Variants in CSMD1 observed in about 807,000 individuals in gnomAD.
CSMD1 encodes the protein CUB and Sushi multiple domains 1.
A neutral mutation model predicts 417.5 loss-of-function variants in CSMD1; 213 were observed. The observed-to-expected ratio is 0.51, with a 90% CI of 0.46 to 0.57. CSMD1 has a LOEUF of 0.57. CSMD1 is among the 20% of genes least tolerant of loss of function. CSMD1 has a pLI of 0.00. For missense variants in CSMD1, 6,923 were observed against 4,529.7 expected (o/e 1.53, Z -15.17); for synonymous variants, 2,862 against 1,736.8 (o/e 1.65, Z -16.11).
At chr8:3,558,340 C>T (rs1405698518) in intron 10 of CSMD1, among the ~76,000 whole-genome samples, 1 of 126,548 alleles carries the variant, frequency 7.9e-6, no homozygotes, top group Non-Finnish European at 1.8e-5. Context: ...CTCAGTAGTA[C>T]CCCGTGTCCA....
chr8:3,487,755 C>T (rs1190950825), intron 11 of CSMD1, among the ~76,000 whole-genome samples: 3 of 152,066 alleles, frequency 2.0e-5, no homozygotes, highest in African/African-American at 7.2e-5. Context: ...TTTAAGAGTT[C>T]CTGGAAGCTT....
At chr8:3,182,578 C>CTGTGTGTGTGTGTGTG (rs35090952) in intron 36 of CSMD1, among the ~76,000 whole-genome samples, 10 of 94,186 alleles carry the variant, frequency 1.1e-4, no homozygotes, top group Admixed American at 2.1e-4. Flanking sequence ...TTATAAGAAG[C>CTGTGTGTGTGTGTGTG]TGTGTGTGTG....
At chr8:3,221,800 T>A (rs759627096) in intron 28 of CSMD1, among the ~76,000 whole-genome samples, 3 of 152,090 alleles carry the variant, frequency 2.0e-5, no homozygotes, top group African/African-American at 2.4e-5. Context: ...TAATGGAACA[T>A]CCTCTCTCAT....
chr8:4,832,518 T>C (rs1363800113), intron 1 of CSMD1, among the ~76,000 whole-genome samples: 1 of 152,190 alleles, frequency 6.6e-6, no homozygotes, highest in Non-Finnish European at 1.5e-5. Context: ...AGGAACTGTG[T>C]GAGCTAAAAC....
At chr8:4,891,054 A>G (rs1259028854) in intron 1 of CSMD1, among the ~76,000 whole-genome samples, 2 of 152,134 alleles carry the variant, frequency 1.3e-5, no homozygotes, top group Non-Finnish European at 2.9e-5. Flanking sequence ...TTACATGCCC[A>G]AATTAATAGT....
At position 3,467,286 on chromosome 8, in the gene CSMD1, T is replaced by C. The variant is rs1816840063; in HGVS notation, c.1561+1426A>G. 5.3e-5 allele frequency among the ~76,000 whole-genome samples: 8 copies of C among 152,214 alleles called. No individual in the cohort carries two copies. The South Asian group carries it at 1.7e-3, about 31-fold the overall frequency. ...CTCATGATGTGTATCTCAATGCTGC[T>C]GAGATGAATTTACTGCAATTTGCCC... On this transcript the variant is annotated intron_variant, in intron 12 of 69. Transcript: ENST00000635120.
intron 7 of CSMD1, among the ~76,000 whole-genome samples, chr8:3,658,917 C>A (rs891055329): frequency 2.6e-4 from 40 of 152,284 alleles, no homozygotes; most frequent in African/African-American, 9.6e-4. Context: ...TAATTCCATT[C>A]TTGACCTACC....
At chr8:3,281,419 G>C (rs552658325) in intron 26 of CSMD1, among the ~76,000 whole-genome samples, 3 of 152,224 alleles carry the variant, frequency 2.0e-5, no homozygotes, top group African/African-American at 7.2e-5. Flanking sequence ...ACTCCAGCCT[G>C]GGCGACAAAG....
In CSMD1 at chr8:4,807,862, G is replaced by C. The variant is rs186172907; in HGVS notation, c.86-170304C>G. On this transcript the variant is annotated intron_variant, in intron 1 of 69. Transcript: ENST00000635120. ...AGCTATGTTATTGTTAATATTACTA[G>C]TAAGAGGAGGAGTATATTCTCAAAG... Among the ~76,000 whole-genome samples, 418 of 152,216 alleles carry C rather than the reference G, an allele frequency of 2.7e-3. 1 individual carries two copies. Among genetic ancestry groups the C allele is most frequent in the Middle Eastern group, 6.8e-3 (2 of 294 alleles).
chr8:3,088,569 T>C (rs985891530), intron 48 of CSMD1, among the ~76,000 whole-genome samples: 1 of 152,100 alleles, frequency 6.6e-6, no homozygotes, highest in African/African-American at 2.4e-5. Flanking sequence ...GTCAACCATG[T>C]TCCTACGAGA....
rs572267350 is a variant in CSMD1, at chr8:2,970,010, G to T, written c.8923+3107C>A. ...TTGCAACATTTTTGTAACTTATTTT[G>T]TGTATGCAGCTTTTAAGGGCTAAGT... On this transcript the variant is annotated intron_variant, in intron 57 of 69. Transcript: ENST00000635120. Among the ~76,000 whole-genome samples, 95 of 152,072 alleles carry T rather than the reference G, an allele frequency of 6.2e-4. 1 individual carries two copies. Among genetic ancestry groups the T allele is most frequent in the Non-Finnish European group, 3.5e-4 (24 of 67,974 alleles).
chr8:3,941,877 T>A (rs182406637), intron 5 of CSMD1, among the ~76,000 whole-genome samples: 1 of 152,212 alleles, frequency 6.6e-6, no homozygotes, highest in African/African-American at 2.4e-5. Context: ...TGGGCCAGTG[T>A]CAGTCTGTGC....
chr8:3,173,819 G>T (rs1413957893), intron 37 of CSMD1, among the ~76,000 whole-genome samples: 1 of 152,130 alleles, frequency 6.6e-6, no homozygotes, highest in Admixed American at 6.5e-5. Context: ...TAATATTAAA[G>T]TGCCATTAAA....
chr8:3,431,004 T>A (rs1814185486), intron 12 of CSMD1, among the ~76,000 whole-genome samples: 1 of 152,166 alleles, frequency 6.6e-6, no homozygotes, highest in Non-Finnish European at 1.5e-5. Context: ...AAATCTCTCT[T>A]CTTGGTTTTA....
chr8:3,786,403 C>G (rs1799459467), intron 5 of CSMD1, among the ~76,000 whole-genome samples: 1 of 152,016 alleles, frequency 6.6e-6, no homozygotes. Context: ...GAGGATCGAA[C>G]AAGAGTTTGG....
At chr8:3,840,455 G>T (rs1803054566) in intron 5 of CSMD1, among the ~76,000 whole-genome samples, 1 of 152,040 alleles carries the variant, frequency 6.6e-6, no homozygotes, top group Non-Finnish European at 1.5e-5. Flanking sequence ...AGTACCTCTT[G>T]CCCTGAACAT....
chr8:3,423,998 G>T (rs1813663399), intron 12 of CSMD1, among the ~76,000 whole-genome samples: 1 of 152,138 alleles, frequency 6.6e-6, no homozygotes, highest in Non-Finnish European at 1.5e-5. Flanking sequence ...CTTTGTTGGT[G>T]AAAAAGTGGT....
intron 6 of CSMD1, among the ~76,000 whole-genome samples, chr8:3,724,513 G>C (rs1219020693): frequency 6.6e-6 from 1 of 152,002 alleles, no homozygotes; most frequent in Admixed American, 6.6e-5. Flanking sequence ...AGCTGTTTGG[G>C]ATTTTCAACC....
chr8:3,915,529 C>T (rs544550302), intron 5 of CSMD1, among the ~76,000 whole-genome samples: 2 of 151,074 alleles, frequency 1.3e-5, no homozygotes, highest in African/African-American at 2.4e-5. Context: ...GTTGATCATA[C>T]GATCAAATTC....
Sources: gnomAD v4.1 joint callset for allele counts (sites outside exome capture counted in the v4.1 genomes callset) on GRCh38, gnomAD v4.1.1 for gene constraint, MANE v1.5 for transcripts, NCBI Gene and HGNC (gene_info 2026-07-23, HGNC 2026-07-21) for gene names.